Variants in NPFFR1 observed in about 807,000 individuals in gnomAD.
NPFFR1 encodes the protein neuropeptide FF receptor 1, also known as G-protein coupled receptor 147.
In NPFFR1, 17 loss-of-function variants were observed where a neutral mutation model predicts 12.7. The observed-to-expected ratio is 1.34, with a 90% CI of 0.92 to 2.01. The LOEUF (loss-of-function observed/expected upper bound fraction) is 2.01. Among genes scored for constraint, NPFFR1 ranks in the 30% most tolerant of loss-of-function variants. NPFFR1 has a pLI of 0.00. For missense variants in NPFFR1, 604 were observed against 606.5 expected (o/e 1.00, Z 0.04); for synonymous variants, 296 against 264.5 (o/e 1.12, Z -1.16).
Position 70,252,839 on chromosome 10 carries a change from C to T in NPFFR1, c.*2118G>A, listed in dbSNP as rs1840524813. Reference sequence around the variant, plus strand: ...GTACTTTGGTATCCCTACCCGCCCCCAGCCTCAAATGCTGATCTTGTACTT... The same window carrying T: ...GTACTTTGGTATCCCTACCCGCCCCTAGCCTCAAATGCTGATCTTGTACTT... On this transcript the variant is annotated 3_prime_UTR_variant, in exon 4 of 4. Coordinates refer to ENST00000277942, the MANE Select transcript of NPFFR1 (RefSeq NM_022146.5). The T allele has an allele frequency of 6.6e-6, 1 of 152,190 alleles. No homozygotes were observed. Among genetic ancestry groups the T allele is most frequent in the African/African-American group, 2.4e-5 (1 of 41,422 alleles). 9.4% of individuals were successfully genotyped at this position (152,190 alleles called of 1,614,324 possible). A position where few individuals can be genotyped will look rare whatever the true frequency, so the allele number is the denominator to read the frequency against.
intron 1 of NPFFR1, 140 bp from the exon 2 acceptor site, chr10:70,266,531 T>C: frequency 1.5e-6 from 1 of 659,176 alleles, no homozygotes; most frequent in Non-Finnish European, 2.6e-6. Flanking sequence ...CAGTTGCAAC[T>C]TGATGCACTG....
In NPFFR1 at chr10:70,255,318, A is replaced by T. The variant is rs1244269396; in HGVS notation, c.932T>A (p.Phe311Tyr). The change falls in exon 4 of 4, where the codon TTC becomes TAC. Residue 311 changes from phenylalanine to tyrosine, a missense_variant. By Grantham distance (22) the Phe-to-Tyr change is conservative (BLOSUM62 3). Coordinates refer to ENST00000277942, the MANE Select transcript of NPFFR1 (RefSeq NM_022146.5). The surrounding 1 kb of genome is among the most constrained non-coding windows in gnomAD (Gnocchi z 4.2). The part of the protein sequence containing the change: ...PQLHLVTVYA[F>Y]PFAHWLAFFN... The stretch of plus-strand genomic sequence containing the variant: ...GAAGGCCAGCCAGTGCGCGAAGGGG[A>T]AGGCGTAGACGGTGACCAGGTGCAG... The T allele has an allele frequency of 1.9e-6, 3 of 1,581,476 alleles. No individual in the cohort carries two copies. The Admixed American group carries it at 5.4e-5, about 28-fold the overall frequency.
intron 1 of NPFFR1, among the ~76,000 whole-genome samples, chr10:70,280,610 C>A (rs555561953): frequency 2.6e-5 from 4 of 152,264 alleles, no homozygotes; most frequent in Admixed American, 2.6e-4. Flanking sequence ...GTTTGAGCTC[C>A]TGGATTTGTT....
intron 3 of NPFFR1, among the ~76,000 whole-genome samples, chr10:70,258,304 C>CAAA (rs35618176): frequency 1.4e-4 from 19 of 137,168 alleles, no homozygotes; most frequent in African/African-American, 5.3e-4. Context: ...ACCTTGTCTC[C>CAAA]AAAAAAAAAA....
In NPFFR1 at chr10:70,266,282, G is replaced by C; in HGVS notation, c.117C>G (p.Thr39=). 1 of 1,613,922 alleles carries C rather than the reference G, an allele frequency of 6.2e-7. No homozygotes were observed. Among genetic ancestry groups the C allele is most frequent in the Non-Finnish European group, 8.5e-7 (1 of 1,179,860 alleles). Residue 39 remains threonine (T), a synonymous_variant, in exon 2 of 4, where the codon ACC becomes ACG. Coordinates refer to ENST00000277942, the MANE Select transcript of NPFFR1 (RefSeq NM_022146.5). ...CAATGAACATGGCCGCCACAGGGGA[G>C]GTGTGCTGATAGTAGGAGGAGAAGG... is the stretch of plus-strand genomic sequence containing the variant. ...NLTFSSYYQH[T]SPVAAMFIVA... is the part of the protein sequence containing the mutation.
chr10:70,282,702 G>A (rs1840875553), intron 1 of NPFFR1, among the ~76,000 whole-genome samples: 2 of 152,048 alleles, frequency 1.3e-5, no homozygotes, highest in Non-Finnish European at 2.9e-5. Context: ...TCCCCCATTC[G>A]ATAGATGGGT....
Position 70,266,246 on chromosome 10 carries a change from C to G in NPFFR1, c.153G>C (p.Ala51=). The G allele has an allele frequency of 1.2e-6, 2 of 1,613,932 alleles. No individual in the cohort carries two copies. The highest frequency in any genetic ancestry group is 1.7e-6 in the Non-Finnish European group (2 of 1,179,868). ...CCACCATGCAGAGCAGGAAGATGAG[C>G]GCATAGGCCACAATGAACATGGCCG... is the stretch of plus-strand genomic sequence containing the variant. ...PVAAMFIVAY[A]LIFLLCMVGN... The change falls in exon 2 of 4, where the codon GCG becomes GCC. Residue 51 remains alanine (A), a synonymous_variant. Coordinates refer to ENST00000277942, the MANE Select transcript of NPFFR1 (RefSeq NM_022146.5).
At position 70,272,190 on chromosome 10, in the gene NPFFR1, GGAAA is replaced by G. The variant is rs201763991; in HGVS notation, c.8-5803_8-5800del. ...AAGAAAGAAAGAAGGGAGGGAGGGAGGAAAGAAAGAAAGAAAGAAAGGAAAGAAA... is the reference window on the plus strand; with the variant it reads ...AAGAAAGAAAGAAGGGAGGGAGGGAGGAAAGAAAGAAAGAAAGGAAAGAAA... On this transcript the variant is annotated intron_variant, in intron 1 of 3. Transcript: ENST00000277942. Among the ~76,000 whole-genome samples the G allele has an allele frequency of 2.9e-3, 369 of 127,082 alleles. 12 individuals are homozygous for G. The highest frequency in any genetic ancestry group is 0.013 in the East Asian group (57 of 4,384). The allele number at this position is 127,082 out of a possible 152,430, so 83.4% of individuals were successfully genotyped here.
chr10:70,250,439 T>C lies in NPFFR1; in HGVS notation c.*4518A>G, dbSNP rs1375816233. The C allele has an allele frequency of 1.3e-5, 2 of 152,202 alleles. No homozygotes were observed. The highest frequency in any genetic ancestry group is 2.4e-5 in the African/African-American group (1 of 41,446). The allele number at this position is 152,202 out of a possible 1,614,324, so 9.4% of individuals were successfully genotyped here. ...ATACATACACATACATATAAGGACT[T>C]GTACATGAATGTTAATGGCAACATT... On this transcript the variant is annotated 3_prime_UTR_variant, in exon 4 of 4. Transcript: ENST00000277942.
chr10:70,260,008 G>A (rs576728082), intron 3 of NPFFR1, among the ~76,000 whole-genome samples: 77 of 152,342 alleles, frequency 5.1e-4, no homozygotes, highest in African/African-American at 1.7e-3. Context: ...TGCTGTGGGG[G>A]AGGAGCACTC....
In NPFFR1 at chr10:70,254,109, C is replaced by T. The variant is rs1396720811; in HGVS notation, c.*848G>A. The T allele has an allele frequency of 3.3e-5, 5 of 152,204 alleles. No individual in the cohort carries two copies. Among genetic ancestry groups the T allele is most frequent in the Non-Finnish European group, 7.3e-5 (5 of 68,050 alleles). 9.4% of individuals were successfully genotyped at this position (152,204 alleles called of 1,614,324 possible). ...AATGCATACCGTGCTTCCCCTTCCT[C>T]GTTGTCTATGAGTACGTAAAAGGAC... On this transcript the variant is annotated 3_prime_UTR_variant, in exon 4 of 4. Coordinates refer to ENST00000277942, the MANE Select transcript of NPFFR1 (RefSeq NM_022146.5).
chr10:70,280,264 A>G (rs1038386531), intron 1 of NPFFR1, among the ~76,000 whole-genome samples: 12 of 152,202 alleles, frequency 7.9e-5, no homozygotes, highest in Non-Finnish European at 1.2e-4. Context: ...GCTGGATCAT[A>G]TGGTAATTCC....
At chr10:70,263,866 C>A (rs545008970) in intron 2 of NPFFR1, among the ~76,000 whole-genome samples, 3 of 152,184 alleles carry the variant, frequency 2.0e-5, no homozygotes, top group African/African-American at 4.8e-5. Flanking sequence ...AATCCCAGCA[C>A]TTTGGGAGGC....
chr10:70,259,608 C>G (rs139906824), intron 3 of NPFFR1, among the ~76,000 whole-genome samples: 20 of 152,260 alleles, frequency 1.3e-4, no homozygotes, highest in Non-Finnish European at 2.6e-4. Context: ...CTGCCTACTT[C>G]ACTGAGTTAC....
intron 1 of NPFFR1, among the ~76,000 whole-genome samples, chr10:70,268,703 CTCAGGG>C (rs1397886052): frequency 1.4e-5 from 2 of 145,280 alleles, no homozygotes; most frequent in Non-Finnish European, 3.0e-5. Flanking sequence ...GAACAGTGGT[CTCAGGG>C]TTCCAAGAGA....
intron 1 of NPFFR1, among the ~76,000 whole-genome samples, chr10:70,269,741 C>A (rs1435712642): frequency 6.6e-6 from 1 of 152,126 alleles, no homozygotes; most frequent in Non-Finnish European, 1.5e-5. Context: ...AAACTCCTGA[C>A]CACAGGTGAT....
At chr10:70,265,121 G>A (rs1283709144) in intron 2 of NPFFR1, among the ~76,000 whole-genome samples, 3 of 152,188 alleles carry the variant, frequency 2.0e-5, no homozygotes. Context: ...GTGGAGGGGA[G>A]CTGACTCTGC....
chr10:70,273,104 T>G (rs970621154), intron 1 of NPFFR1, among the ~76,000 whole-genome samples: 2 of 152,218 alleles, frequency 1.3e-5, no homozygotes, highest in African/African-American at 4.8e-5. Flanking sequence ...TGTCACTGGT[T>G]CTTGGCCCTG....
chr10:70,279,584 C>T (rs1442608415), intron 1 of NPFFR1, among the ~76,000 whole-genome samples: 5 of 152,082 alleles, frequency 3.3e-5, no homozygotes, highest in African/African-American at 7.2e-5. Flanking sequence ...CTCAGCTTCC[C>T]GAGTAGCTGG....
Sources: gnomAD v4.1 joint callset for allele counts (sites outside exome capture counted in the v4.1 genomes callset) on GRCh38, gnomAD v4.1.1 for gene constraint, Gnocchi (gnomAD v3.1) non-coding constraint, MANE v1.5 for transcripts, NCBI Gene and HGNC (gene_info 2026-07-23, HGNC 2026-07-21) for gene names.